Variants in ATIC observed in about 807,000 individuals in gnomAD.
ATIC encodes the protein bifunctional purine biosynthesis protein ATIC.
In ATIC, 64 loss-of-function variants were observed where a neutral mutation model predicts 72.5. The observed-to-expected ratio is 0.88, with a 90% CI of 0.72 to 1.09. The LOEUF is 1.09. Among genes scored for constraint, ATIC ranks in the 50% least tolerant of loss-of-function variants. The pLI, the probability that ATIC is intolerant of heterozygous loss-of-function variation, is 0.00. For synonymous variants in ATIC, 281 were observed against 267.1 expected (o/e 1.05, Z -0.51); for missense variants, 787 against 732.4 (o/e 1.07, Z -0.86).
At chr2:215,359,973 C>A in the ATIC span, among the ~76,000 whole-genome samples, 1 of 152,104 alleles carries the variant, frequency 6.6e-6, no homozygotes, top group Non-Finnish European at 1.5e-5. Context: ...GAGTCTTGCT[C>A]TGTCCCCCAT....
the ATIC span, among the ~76,000 whole-genome samples, chr2:215,359,343 T>C: frequency 2.0e-5 from 3 of 152,186 alleles, no homozygotes; most frequent in African/African-American, 7.2e-5. Context: ...AGCTCACCTA[T>C]GAATATGGAA....
intron 4 of ATIC, among the ~76,000 whole-genome samples, chr2:215,321,106 C>T (rs1370195683): frequency 1.3e-5 from 2 of 152,198 alleles, no homozygotes; most frequent in African/African-American, 4.8e-5. Flanking sequence ...ATCACCCCCA[C>T]CCTAAACCCT....
At chr2:215,324,928 T>A (rs1424848879) in intron 4 of ATIC, among the ~76,000 whole-genome samples, 1 of 152,288 alleles carries the variant, frequency 6.6e-6, no homozygotes, top group East Asian at 1.9e-4. Context: ...GTTCTATAAA[T>A]TTTTCATGGC....
At chr2:215,329,382 A>G (rs569244464) in intron 7 of ATIC, among the ~76,000 whole-genome samples, 2 of 152,312 alleles carry the variant, frequency 1.3e-5, no homozygotes, top group South Asian at 4.1e-4. Context: ...TATTTGTGGT[A>G]AACATGGCAG....
intron 7 of ATIC, among the ~76,000 whole-genome samples, chr2:215,328,980 G>A (rs1056861435): frequency 4.6e-5 from 7 of 152,194 alleles, no homozygotes; most frequent in Non-Finnish European, 8.8e-5. Flanking sequence ...GCCTCCCAAA[G>A]TGCTGGGATT....
chr2:215,330,601 G>C (rs1436729927), intron 7 of ATIC, among the ~76,000 whole-genome samples: 3 of 152,078 alleles, frequency 2.0e-5, no homozygotes, highest in Non-Finnish European at 4.4e-5. Context: ...CCCCATTACA[G>C]TATCATGCAG....
chr2:215,361,654 A>T, the ATIC span: 2 of 1,534,960 alleles, frequency 1.3e-6, no homozygotes, highest in Non-Finnish European at 1.8e-6. Context: ...GGAAAAAAAA[A>T]TTAGTGGCAA....
rs1416121696 is a variant in ATIC, at chr2:215,349,163, A to G, written c.1573A>G (p.Lys525Glu). 2 of 1,613,964 alleles carry G rather than the reference A, an allele frequency of 1.2e-6. No homozygotes were observed. Among genetic ancestry groups the G allele is most frequent in the Non-Finnish European group, 1.7e-6 (2 of 1,179,998 alleles). The change falls in exon 15 of 16, where the codon AAG becomes GAG. Residue 525 changes from lysine (K) to glutamate (E), a missense_variant. By Grantham distance (56) the Lys-to-Glu change is moderately conservative (BLOSUM62 1). Transcript: ENST00000236959. ...VPELLTEAEK[K>E]EWVEKLTEVS... The stretch of plus-strand genomic sequence containing the variant: ...TGAGTTACTCACTGAGGCAGAGAAG[A>G]AGGAATGGGTTGAGAAACTGACTGA...
At chr2:215,352,277 A>G (rs1442499565), downstream of ATIC, among the ~76,000 whole-genome samples, 1 of 152,214 alleles carries the variant, frequency 6.6e-6, no homozygotes, top group Non-Finnish European at 1.5e-5. Flanking sequence ...AATTTTTTCT[A>G]TAAATCTAAA....
rs771474223 is a variant in ATIC at position 215,346,912 on chromosome 2, G to A, written c.1474G>A (p.Asp492Asn). ...VKRAEISNAI[D>N]QYVTGTIGED... ...GAGAGCAGAAATCTCCAATGCCATC[G>A]ATCAATATGTGACTGGAACCATTGG... Residue 492 changes from aspartate (D) to asparagine (N), a missense_variant, in exon 14 of 16, where the codon GAT becomes AAT. Coordinates refer to ENST00000236959, the MANE Select transcript of ATIC (RefSeq NM_004044.7). 2.3e-5 allele frequency: 37 copies of A among 1,614,162 alleles called. No individual in the cohort carries two copies. The highest frequency in any genetic ancestry group is 5.0e-5 in the Admixed American group (3 of 60,032).
At chr2:215,361,800 A>C in the ATIC span, 3 of 559,740 alleles carry the variant, frequency 5.4e-6, no homozygotes, top group South Asian at 2.3e-4. Context: ...CAAGAGTTAC[A>C]TAAATTATAA....
At position 215,346,833 on chromosome 2, in the gene ATIC, G is replaced by A; in HGVS notation, c.1395G>A (p.Trp465Ter). The part of the protein sequence containing the change: ...TRLAGDKANY[W>*]WLRHHPQVLS... The stretch of plus-strand genomic sequence containing the variant: ...TTGCAGGAGATAAGGCAAACTATTG[G>A]TGGCTTAGACACCATCCACAAGTGC... Residue 465 changes from tryptophan (W) to a stop codon, truncating the protein, a stop_gained, in exon 14 of 16, where the codon TGG (tryptophan) becomes TGA (stop). Transcript: ENST00000236959. LOFTEE classifies it high-confidence loss of function. The A allele has an allele frequency of 6.2e-7, 1 of 1,614,150 alleles. No individual in the cohort carries two copies. The highest frequency in any genetic ancestry group is 8.5e-7 in the Non-Finnish European group (1 of 1,180,026).
intron 12 of ATIC, among the ~76,000 whole-genome samples, chr2:215,342,330 G>C (rs895339382): frequency 1.5e-5 from 2 of 134,798 alleles, no homozygotes; most frequent in African/African-American, 5.7e-5. Context: ...AAATTCTTAA[G>C]AAATCCTAAT....
intron 13 of ATIC, among the ~76,000 whole-genome samples, chr2:215,346,038 C>T (rs998549507): frequency 1.3e-5 from 2 of 152,174 alleles, no homozygotes; most frequent in African/African-American, 2.4e-5. Context: ...CTTTTAGCTA[C>T]CCATGTCAGA....
chr2:215,319,620 C>T, intron 3 of ATIC, 45 bp from the exon 4 acceptor site: 1 of 1,358,320 alleles, frequency 7.4e-7, no homozygotes, highest in Non-Finnish European at 1.1e-6. Context: ...CTTAATCTGA[C>T]TTGTTTTTTG....
At chr2:215,324,661 G>GAACT (rs2052803081) in intron 4 of ATIC, among the ~76,000 whole-genome samples, 1 of 152,104 alleles carries the variant, frequency 6.6e-6, no homozygotes, top group Admixed American at 6.5e-5. Context: ...CCTAGGAGTG[G>GAACT]AACTGTACTT....
At chr2:215,347,702 A>G (rs1559280844) in intron 14 of ATIC, 9 of 479,138 alleles carry the variant, frequency 1.9e-5, no homozygotes, top group Non-Finnish European at 3.7e-5. Flanking sequence ...TTTTTTTTCA[A>G]CTTTGATACT....
chr2:215,344,636 T>G, intron 12 of ATIC, 143 bp from the exon 13 acceptor site: 4 of 764,722 alleles, frequency 5.2e-6, no homozygotes, highest in Non-Finnish European at 8.8e-6. Context: ...GATTGTGCCG[T>G]TGGAGATTGT....
intron 14 of ATIC, 200 bp downstream of exon 14, chr2:215,347,141 C>A: frequency 1.4e-6 from 1 of 728,456 alleles, no homozygotes; most frequent in Non-Finnish European, 2.2e-6. Context: ...TGTTTTTGAC[C>A]CCTTTCTGAA....
Sources: allele counts gnomAD v4.1 joint callset (sites outside exome capture counted in the v4.1 genomes callset), GRCh38; gene constraint gnomAD v4.1.1; transcripts MANE v1.5; gene names NCBI Gene and HGNC (gene_info 2026-07-23, HGNC 2026-07-21).